SVOP: variants seen among roughly 807,000 people sequenced by gnomAD.
SVOP encodes SV2 related protein.
In SVOP, 17 loss-of-function variants were observed where a neutral mutation model predicts 69.1. The ratio of observed to expected loss-of-function variants is 0.25; its 90% CI spans 0.17 to 0.37. The LOEUF is 0.37. Among genes scored for constraint, SVOP ranks in the 10% least tolerant of loss-of-function variants. SVOP has a pLI of 1.00. For synonymous variants in SVOP, 238 were observed against 238.6 expected (o/e 1.00, Z 0.02); for missense variants, 435 against 597.5 (o/e 0.73, Z 2.84).
chr12:108,999,710 C>A (rs1593205256), intron 1 of SVOP, among the ~76,000 whole-genome samples: 3 of 148,554 alleles, frequency 2.0e-5, no homozygotes, highest in Admixed American at 1.3e-4. Context: ...TCCTGAATGA[C>A]TACTGGATAC....
chr12:108,938,641 G>A (rs2039870333), intron 9 of SVOP, among the ~76,000 whole-genome samples, 186 bp downstream of exon 9: 1 of 152,186 alleles, frequency 6.6e-6, no homozygotes, highest in Admixed American at 6.5e-5. Flanking sequence ...ACAGATTGGA[G>A]TTGCCAAATT....
At chr12:108,970,221 A>C (rs1016788988) in intron 5 of SVOP, among the ~76,000 whole-genome samples, 1 of 152,116 alleles carries the variant, frequency 6.6e-6, no homozygotes, top group South Asian at 2.1e-4. Context: ...TGGAGCACCT[A>C]CTGATTCAAG....
chr12:108,928,859 T>C (rs1413952075), intron 11 of SVOP, among the ~76,000 whole-genome samples: 1 of 152,158 alleles, frequency 6.6e-6, no homozygotes, highest in Non-Finnish European at 1.5e-5. Context: ...TGAACCACCA[T>C]GCCCGGCCAT....
At chr12:108,950,280 T>C (rs1379729646) in intron 6 of SVOP, among the ~76,000 whole-genome samples, 1 of 151,586 alleles carries the variant, frequency 6.6e-6, no homozygotes, top group Non-Finnish European at 1.5e-5. Context: ...AGTCTCACTA[T>C]TTTGTCCAGG....
intron 1 of SVOP, among the ~76,000 whole-genome samples, chr12:108,990,563 A>T (rs1240311628): frequency 6.6e-6 from 1 of 151,908 alleles, no homozygotes; most frequent in Non-Finnish European, 1.5e-5. Context: ...AATGTAAATG[A>T]CGAGTTAATA....
chr12:108,932,158 G>A (rs2039824247), intron 11 of SVOP, among the ~76,000 whole-genome samples: 1 of 151,976 alleles, frequency 6.6e-6, no homozygotes, highest in Admixed American at 6.6e-5. Flanking sequence ...TAGGACTACA[G>A]GCACACACCA....
intron 5 of SVOP, among the ~76,000 whole-genome samples, chr12:108,965,293 C>T (rs143760600): frequency 3.9e-5 from 6 of 152,248 alleles, no homozygotes; most frequent in African/African-American, 7.2e-5. Context: ...GCTGAAGATC[C>T]GTAAGTGGTG....
At chr12:108,986,068 G>T (rs558149706) in intron 1 of SVOP, among the ~76,000 whole-genome samples, 59 of 152,356 alleles carry the variant, frequency 3.9e-4, no homozygotes, top group Non-Finnish European at 7.3e-5. Flanking sequence ...CACAGGGCTG[G>T]CAGACAGACT....
intron 1 of SVOP, among the ~76,000 whole-genome samples, chr12:109,017,775 C>T (rs2040375826): frequency 6.6e-6 from 1 of 152,040 alleles, no homozygotes; most frequent in Non-Finnish European, 1.5e-5. Flanking sequence ...AACTGCTGAC[C>T]TCAAATGATC....
At chr12:108,917,101 G>A (rs1452124966) in intron 14 of SVOP, among the ~76,000 whole-genome samples, 1 of 152,188 alleles carries the variant, frequency 6.6e-6, no homozygotes, top group Non-Finnish European at 1.5e-5. Context: ...CCACTCTGGG[G>A]GTTCCCTGTT....
intron 1 of SVOP, among the ~76,000 whole-genome samples, chr12:108,984,443 G>T (rs1201597818): frequency 1.3e-5 from 2 of 152,166 alleles, no homozygotes; most frequent in African/African-American, 4.8e-5. Flanking sequence ...TCTGGGCAGT[G>T]GTGGTCCCCG....
chr12:109,015,180 G>A (rs1318718702), intron 1 of SVOP, among the ~76,000 whole-genome samples: 1 of 152,158 alleles, frequency 6.6e-6, no homozygotes, highest in Admixed American at 6.5e-5. Flanking sequence ...TCTAGCGGGT[G>A]GATCCTGAGG....
intron 1 of SVOP, among the ~76,000 whole-genome samples, chr12:109,006,646 G>A (rs1183969334): frequency 6.6e-6 from 1 of 152,142 alleles, no homozygotes; most frequent in Non-Finnish European, 1.5e-5. Flanking sequence ...ATCCTTCTCT[G>A]GAGCATAGGG....
At chr12:108,934,636 A>G (rs1055022880) in intron 10 of SVOP, among the ~76,000 whole-genome samples, 5 of 152,340 alleles carry the variant, frequency 3.3e-5, no homozygotes, top group Admixed American at 2.0e-4. Flanking sequence ...GCCAAGATAC[A>G]GATCATAAAG....
At position 108,938,298 on chromosome 12, in the gene SVOP, A is replaced by G. The variant is rs926622988; in HGVS notation, c.897+529T>C. Among the ~76,000 whole-genome samples the G allele has an allele frequency of 1.3e-5, 2 of 152,242 alleles. 1 individual carries two copies. The highest frequency in any genetic ancestry group is 4.1e-4 in the South Asian group (2 of 4,826). On this transcript the variant is annotated intron_variant, in intron 9 of 15. Coordinates refer to ENST00000610966, the MANE Select transcript of SVOP (RefSeq NM_018711.5). ...CCTTAAATCCGAATCTTTTCTCCCC[A>G]TGTGTGCAATGCTGGTGCCTACATA...
intron 1 of SVOP, among the ~76,000 whole-genome samples, chr12:109,018,993 T>C (rs886113488): frequency 3.3e-5 from 5 of 152,162 alleles, no homozygotes; most frequent in African/African-American, 1.2e-4. Context: ...AGCCAGGAAG[T>C]GGCATAGTAA....
chr12:108,916,219 A>G (rs1487766084), intron 14 of SVOP, among the ~76,000 whole-genome samples: 1 of 152,232 alleles, frequency 6.6e-6, no homozygotes, highest in Non-Finnish European at 1.5e-5. Context: ...CCTGGGTCAC[A>G]GGTTTTCAAG....
intron 10 of SVOP, 172 bp downstream of exon 10, chr12:108,937,092 G>A (rs888558374): frequency 3.6e-5 from 24 of 666,620 alleles, no homozygotes; most frequent in Middle Eastern, 2.6e-4. Flanking sequence ...ATGATAGTAC[G>A]TACAGATGAT....
At chr12:108,959,884 T>C (rs2040007658) in intron 6 of SVOP, among the ~76,000 whole-genome samples, 1 of 152,220 alleles carries the variant, frequency 6.6e-6, no homozygotes, top group Non-Finnish European at 1.5e-5. Flanking sequence ...CCAGTTCCTA[T>C]TCCAGCTCCT....
Sources: gnomAD v4.1 joint callset for allele counts (sites outside exome capture counted in the v4.1 genomes callset) on GRCh38, gnomAD v4.1.1 for gene constraint, MANE v1.5 for transcripts, NCBI Gene and HGNC (gene_info 2026-07-23, HGNC 2026-07-21) for gene names.